DDX50: variants seen among roughly 807,000 people sequenced by gnomAD.
The protein encoded by DDX50 is DExD-box helicase 50, also known as ATP-dependent RNA helicase DDX50.
Under a neutral mutation model 94.8 loss-of-function variants are expected in DDX50, and 56 were observed. The ratio of observed to expected loss-of-function variants is 0.59; its 90% CI spans 0.48 to 0.74. The LOEUF (loss-of-function observed/expected upper bound fraction) is 0.74. DDX50 is among the 30% of genes least tolerant of loss of function. The probability of loss-of-function intolerance (pLI) is 0.00; values close to 1 mark genes in which losing one functional copy is unlikely to be tolerated. For synonymous variants in DDX50, 264 were observed against 295.4 expected (o/e 0.89, Z 1.09); for missense variants, 713 against 881.2 (o/e 0.81, Z 2.42).
chr10:68,938,041 C>T (rs918718881), intron 12 of DDX50, among the ~76,000 whole-genome samples: 5 of 152,178 alleles, frequency 3.3e-5, no homozygotes, highest in African/African-American at 1.2e-4. Context: ...TCTGTATCAT[C>T]ATCTAATATT....
chr10:68,901,510 C>T (rs1281501772), intron 1 of DDX50, 39 bp downstream of exon 1: 44 of 1,541,950 alleles, frequency 2.9e-5, no homozygotes, highest in Non-Finnish European at 3.6e-5. Context: ...TTGGGCTGCG[C>T]CGGCTTGGGC....
At chr10:68,913,681 C>A in intron 6 of DDX50, 105 bp downstream of exon 6, 1 of 1,053,082 alleles carries the variant, frequency 9.5e-7, no homozygotes, top group Non-Finnish European at 1.3e-6. Context: ...TGCGTTCTAA[C>A]AAAACTAAAA....
chr10:68,937,252 T>C (rs1842445573), intron 12 of DDX50, among the ~76,000 whole-genome samples, 157 bp downstream of exon 12: 1 of 152,222 alleles, frequency 6.6e-6, no homozygotes, highest in Non-Finnish European at 1.5e-5. Context: ...TAATAAATCC[T>C]TTTTTGACAA....
rs939388958 is a variant in DDX50, at chr10:68,933,304, G to A, written c.1240-895G>A. 5.3e-5 allele frequency among the ~76,000 whole-genome samples: 8 copies of A among 151,906 alleles called. No individual in the cohort carries two copies. The South Asian group carries it at 6.2e-4, about 12-fold the overall frequency. ...AGGCTGGTCTCAAACTCCTGACCTC[G>A]GGTGATCTGCCTGTCTCGGCCTCCC... On this transcript the variant is annotated intron_variant, in intron 8 of 14. Coordinates refer to ENST00000373585, the MANE Select transcript of DDX50 (RefSeq NM_024045.2).
chr10:68,938,375 A>G (rs936423658), intron 12 of DDX50, among the ~76,000 whole-genome samples: 7 of 152,244 alleles, frequency 4.6e-5, no homozygotes, highest in African/African-American at 1.4e-4. Flanking sequence ...CCATTGGTGC[A>G]GGTAGCTCAG....
chr10:68,906,796 C>T lies in DDX50; in HGVS notation c.173C>T (p.Ala58Val). The stretch of plus-strand genomic sequence containing the variant: ...AATGGTGTTACAGATGACCTGGATG[C>T]TCCCAAGGCCAAAAAATCTAAAATG... ...RENGVTDDLD[A>V]PKAKKSKMKE... is the part of the protein sequence containing the mutation. Residue 58 changes from alanine to valine, a missense_variant, in exon 2 of 15, where the codon GCT becomes GTT. This residue lies in a region of DDX50 where 285 missense variants were observed against 278.9 expected (regional missense o/e 1.02). Coordinates refer to ENST00000373585, the MANE Select transcript of DDX50 (RefSeq NM_024045.2). 1.2e-6 allele frequency: 2 copies of T among 1,613,666 alleles called. No individual in the cohort carries two copies. The highest frequency in any genetic ancestry group is 1.7e-6 in the Non-Finnish European group (2 of 1,179,944).
In DDX50 at chr10:68,946,516, G is replaced by T. The variant is rs1393761575; in HGVS notation, c.2100G>T (p.Arg700=). 2 of 1,614,240 alleles carry T rather than the reference G, an allele frequency of 1.2e-6. No individual in the cohort carries two copies. Among genetic ancestry groups the T allele is most frequent in the Admixed American group, 1.7e-5 (1 of 60,026 alleles). The change falls in exon 15 of 15, where the codon CGG becomes CGT. Residue 700 remains arginine (R), a synonymous_variant. Coordinates refer to ENST00000373585, the MANE Select transcript of DDX50 (RefSeq NM_024045.2). ...SGRSGGRSGG[R]SGRQSRQGSR... ...GGTCAGGTGGTCGATCTGGCGGCCG[G>T]TCAGGTAGACAGAGTCGACAAGGAA...
Position 68,913,543 on chromosome 10 carries a change from G to T in DDX50, c.910G>T (p.Val304Phe). 1 of 1,613,546 alleles carries T rather than the reference G, an allele frequency of 6.2e-7. No individual in the cohort carries two copies. The highest frequency in any genetic ancestry group is 8.5e-7 in the Non-Finnish European group (1 of 1,179,852). ...GTTAGATTTAGGTTTCGCTGAACAA[G>T]TTGAAGATATTATTCATGAATCCTA... Reference protein sequence around the residue: ...QMLDLGFAEQVEDIIHESYKT... With the variant: ...QMLDLGFAEQFEDIIHESYKT... Residue 304 changes from valine to phenylalanine, a missense_variant, in exon 6 of 15, where the codon GTT (valine) becomes TTT (phenylalanine). By Grantham distance (50) the Val-to-Phe change is conservative. Around this residue, in one of 2 missense-constraint regions of DDX50, gnomAD observed 428 missense variants for 602.3 expected, o/e 0.71. Transcript: ENST00000373585.
intron 8 of DDX50, among the ~76,000 whole-genome samples, chr10:68,922,797 T>C (rs73268357): frequency 0.025 from 1,641 of 66,496 alleles, 36 homozygotes; most frequent in African/African-American, 0.063. Flanking sequence ...TTTCTCTCTC[T>C]TTTTTTTTTT....
chr10:68,908,189 G>T (rs1057373094), intron 2 of DDX50, among the ~76,000 whole-genome samples: 1 of 152,088 alleles, frequency 6.6e-6, no homozygotes. Flanking sequence ...AGTGGCTCAC[G>T]CCTGTAATCC....
Position 68,934,809 on chromosome 10 carries a change from C to A in DDX50, c.1412C>A (p.Ser471Tyr). Residue 471 changes from serine (S) to tyrosine (Y), a missense_variant, in exon 10 of 15, where the codon TCC becomes TAC. Around this residue, in one of 2 missense-constraint regions of DDX50, gnomAD observed 428 missense variants for 602.3 expected, o/e 0.71. Coordinates refer to ENST00000373585, the MANE Select transcript of DDX50 (RefSeq NM_024045.2). The surrounding 1 kb of genome is among the most constrained non-coding windows in gnomAD (Gnocchi z 4.0). ...IQSSPPQDVE[S>Y]YIHRSGRTGR... is the part of the protein sequence containing the mutation. Reference sequence around the variant, plus strand: ...TTTTATAATCTTTAGGATGTTGAGTCCTATATCCATCGCTCTGGACGCACA... The same window carrying A: ...TTTTATAATCTTTAGGATGTTGAGTACTATATCCATCGCTCTGGACGCACA... The A allele has an allele frequency of 1.9e-6, 3 of 1,608,384 alleles. No individual in the cohort carries two copies. The highest frequency in any genetic ancestry group is 2.5e-6 in the Non-Finnish European group (3 of 1,178,230).
chr10:68,946,256 G>A, intron 14 of DDX50, 96 bp from the exon 15 acceptor site: 1 of 1,408,414 alleles, frequency 7.1e-7, no homozygotes, highest in Admixed American at 2.5e-5. Flanking sequence ...ATGGCCTTTA[G>A]CTAATAGATA....
chr10:68,910,976 C>T, intron 3 of DDX50, 92 bp from the exon 4 acceptor site: 1 of 1,020,812 alleles, frequency 9.8e-7, no homozygotes, highest in Non-Finnish European at 1.4e-6. Flanking sequence ...TTTAGGCAGA[C>T]ATAGAAGAAT....
chr10:68,945,999 TTAGAA>T (rs1247042333), intron 14 of DDX50, among the ~76,000 whole-genome samples: 1 of 151,796 alleles, frequency 6.6e-6, no homozygotes, highest in Non-Finnish European at 1.5e-5. Context: ...TGTATATTTA[TTAGAA>T]TAGAATATAT....
chr10:68,930,114 C>CTTTTTTTTTT (rs34023657), intron 8 of DDX50, among the ~76,000 whole-genome samples: 1 of 99,772 alleles, frequency 1.0e-5, no homozygotes, highest in Non-Finnish European at 1.9e-5. Flanking sequence ...CTTTCCTTTC[C>CTTTTTTTTTT]TTTTTTTTTT....
Position 68,934,406 on chromosome 10 carries a change from A to G in DDX50, c.1401+46A>G. Reference sequence around the variant, plus strand: ...TGGGAAAAATAAGAGCAATTTTATAAATTCCCATTTAATTTACAACATATT... The same window carrying G: ...TGGGAAAAATAAGAGCAATTTTATAGATTCCCATTTAATTTACAACATATT... On this transcript the variant is annotated intron_variant, in intron 9 of 14. Coordinates refer to ENST00000373585, the MANE Select transcript of DDX50 (RefSeq NM_024045.2). The surrounding 1 kb of genome is among the most constrained non-coding windows in gnomAD (Gnocchi z 4.0). 6.2e-7 allele frequency: 1 copy of G among 1,606,140 alleles called. No individual in the cohort carries two copies. Among genetic ancestry groups the G allele is most frequent in the Non-Finnish European group, 8.5e-7 (1 of 1,177,576 alleles).
At chr10:68,931,586 G>A (rs77259497) in intron 8 of DDX50, among the ~76,000 whole-genome samples, 17,245 of 150,178 alleles carry the variant, frequency 0.11, 1,265 homozygotes, top group Admixed American at 0.18. Flanking sequence ...GATTACAGGC[G>A]CCCGCCACCA....
intron 14 of DDX50, among the ~76,000 whole-genome samples, chr10:68,944,399 A>C (rs1460643890): frequency 6.6e-6 from 1 of 152,180 alleles, no homozygotes; most frequent in Non-Finnish European, 1.5e-5. Context: ...GAATTTGTCT[A>C]TTGTATCTCA....
chr10:68,927,890 T>C (rs961978614), intron 8 of DDX50, among the ~76,000 whole-genome samples: 3 of 152,164 alleles, frequency 2.0e-5, no homozygotes, highest in Non-Finnish European at 4.4e-5. Context: ...GCCGCCATGG[T>C]TCATGCCTGT....
Sources: allele counts gnomAD v4.1 joint callset (sites outside exome capture counted in the v4.1 genomes callset), GRCh38; gene constraint gnomAD v4.1.1; regional missense constraint gnomAD v4.1.1; non-coding constraint Gnocchi (gnomAD v3.1); transcripts MANE v1.5; gene names NCBI Gene and HGNC (gene_info 2026-07-23, HGNC 2026-07-21).